AKIRIN2: variants seen among roughly 807,000 people sequenced by gnomAD.
AKIRIN2 encodes the protein akirin 2.
AKIRIN2 carries 6 observed loss-of-function variants against 29.3 expected under a neutral mutation model. That is an observed-to-expected ratio of 0.20 (90% CI 0.11 to 0.40). The LOEUF (loss-of-function observed/expected upper bound fraction) is 0.40, where lower values mean the gene tolerates loss of function less well. Ranked by LOEUF, AKIRIN2 falls within the 10% of genes least tolerant of loss-of-function variation. The probability of loss-of-function intolerance (pLI) is 1.00; values close to 1 mark genes in which losing one functional copy is unlikely to be tolerated. For missense variants in AKIRIN2, 210 were observed against 276.1 expected (o/e 0.76, Z 1.70); for synonymous variants, 128 against 117.5 (o/e 1.09, Z -0.58).
At chr6:87,691,827 T>C (rs775544568) in intron 1 of AKIRIN2, among the ~76,000 whole-genome samples, 5 of 152,238 alleles carry the variant, frequency 3.3e-5, no homozygotes, top group Admixed American at 6.5e-5. Flanking sequence ...GCTTGAGGCA[T>C]GTCAGGAATT....
At chr6:87,677,377 C>T (rs1477390270) in intron 3 of AKIRIN2, among the ~76,000 whole-genome samples, 1 of 152,070 alleles carries the variant, frequency 6.6e-6, no homozygotes, top group Non-Finnish European at 1.5e-5. Flanking sequence ...TGTTACCATA[C>T]ATAATAAATT....
chr6:87,695,504 AG>A (rs1226001166), intron 1 of AKIRIN2, among the ~76,000 whole-genome samples: 1 of 152,240 alleles, frequency 6.6e-6, no homozygotes, highest in Non-Finnish European at 1.5e-5. Context: ...CCTTTTTAAA[AG>A]CAGGCGGTGC....
At chr6:87,695,284 G>T (rs1020655124) in intron 1 of AKIRIN2, among the ~76,000 whole-genome samples, 5 of 151,710 alleles carry the variant, frequency 3.3e-5, no homozygotes, top group African/African-American at 1.2e-4. Context: ...TATTTATTAC[G>T]ACTCGTTGGA....
At position 87,674,971 on chromosome 6, in the gene AKIRIN2, G is replaced by A. The variant is rs1770937487; in HGVS notation, c.*626C>T. 1 of 148,840 alleles carries A rather than the reference G, an allele frequency of 6.7e-6. No individual in the cohort carries two copies. The highest frequency in any genetic ancestry group is 6.8e-5 in the Admixed American group (1 of 14,692). The allele number at this position is 148,840 out of a possible 1,614,324, so 9.2% of individuals were successfully genotyped here. On this transcript the variant is annotated 3_prime_UTR_variant, in exon 5 of 5. Transcript: ENST00000257787. ...TTCCAACTAAATTCCAGTACTACAAGGGCAGTAAAACAATGATACACTGGA... is the reference window on the plus strand; with the variant it reads ...TTCCAACTAAATTCCAGTACTACAAAGGCAGTAAAACAATGATACACTGGA...
rs767108648 is a variant in AKIRIN2 at position 87,681,579 on chromosome 6, T to A, written c.379+41A>T. On this transcript the variant is annotated intron_variant, in intron 2 of 4. Transcript: ENST00000257787. ...ACAACTTGGATTAGACTTTTCCCAC[T>A]CTAAATAATAAACTTTGTAAATGAC... The A allele has an allele frequency of 1.9e-6, 3 of 1,571,916 alleles. No homozygotes were observed. The South Asian group carries it at 3.5e-5, about 19-fold the overall frequency.
chr6:87,690,000 C>T (rs1222678745), intron 1 of AKIRIN2, among the ~76,000 whole-genome samples: 1 of 152,072 alleles, frequency 6.6e-6, no homozygotes, highest in African/African-American at 2.4e-5. Flanking sequence ...CACTTGAGGT[C>T]AGGAGTTGGA....
intron 1 of AKIRIN2, among the ~76,000 whole-genome samples, chr6:87,693,490 C>A (rs1038267944): frequency 1.3e-5 from 2 of 152,002 alleles, no homozygotes; most frequent in Admixed American, 1.3e-4. Context: ...AGCACTGTGG[C>A]AGGCCCAGAC....
chr6:87,691,713 C>T (rs1199724755), intron 1 of AKIRIN2, among the ~76,000 whole-genome samples: 2 of 151,996 alleles, frequency 1.3e-5, no homozygotes, highest in Admixed American at 1.3e-4. Context: ...AAGGCCATTT[C>T]AAAAAGAAAG....
chr6:87,701,670 G>A lies in AKIRIN2; in HGVS notation c.15C>T (p.Ala5=), dbSNP rs1771468921. Residue 5 remains alanine (A), a synonymous_variant, in exon 1 of 5, where the codon GCC becomes GCT. Coordinates refer to ENST00000257787, the MANE Select transcript of AKIRIN2 (RefSeq NM_018064.4). ...CGAAATCCAGAGTCCTTTTCAGAGT[G>A]GCTCCGCACGCCATGGCCGGGGGCA... MACG[A]TLKRTLDFDP... is the part of the protein sequence containing the mutation. The A allele has an allele frequency of 6.9e-7, 1 of 1,457,416 alleles. No homozygotes were observed. Among genetic ancestry groups the A allele is most frequent in the Non-Finnish European group, 9.0e-7 (1 of 1,108,494 alleles). The allele number at this position is 1,457,416 out of a possible 1,614,324, so 90.3% of individuals were successfully genotyped here.
At chr6:87,684,913 A>G (rs191338365) in intron 1 of AKIRIN2, among the ~76,000 whole-genome samples, 5 of 152,300 alleles carry the variant, frequency 3.3e-5, no homozygotes, top group Admixed American at 3.3e-4. Flanking sequence ...TGGCAAATGA[A>G]GGGTTTATTT....
At chr6:87,690,950 G>A (rs1395449416) in intron 1 of AKIRIN2, among the ~76,000 whole-genome samples, 3 of 151,964 alleles carry the variant, frequency 2.0e-5, no homozygotes, top group African/African-American at 7.3e-5. Context: ...TCCAGCCTGG[G>A]CAACAGAGTG....
intron 2 of AKIRIN2, among the ~76,000 whole-genome samples, chr6:87,680,898 C>G (rs1329300080): frequency 3.3e-5 from 5 of 151,130 alleles, no homozygotes; most frequent in African/African-American, 1.2e-4. Context: ...CCCAATAAGA[C>G]AAGTGTGTGA....
intron 2 of AKIRIN2, 28 bp downstream of exon 2, chr6:87,681,592 C>A: frequency 1.3e-6 from 2 of 1,587,926 alleles, no homozygotes; most frequent in East Asian, 4.5e-5. Context: ...AAATAATAAA[C>A]TTTGTAAATG....
chr6:87,683,271 C>G (rs1169148767), intron 1 of AKIRIN2, among the ~76,000 whole-genome samples: 2 of 152,182 alleles, frequency 1.3e-5, no homozygotes. Context: ...TTCATGTGTA[C>G]ATAAACAGGT....
Position 87,701,922 on chromosome 6 carries a change from G to A in AKIRIN2, c.-238C>T, listed in dbSNP as rs940417561. 2 of 413,082 alleles carry A rather than the reference G, an allele frequency of 4.8e-6. No homozygotes were observed. The highest frequency in any genetic ancestry group is 4.1e-5 in the African/African-American group (2 of 48,652). 25.6% of individuals were successfully genotyped at this position (413,082 alleles called of 1,614,324 possible). On this transcript the variant is annotated 5_prime_UTR_variant, in exon 1 of 5. Coordinates refer to ENST00000257787, the MANE Select transcript of AKIRIN2 (RefSeq NM_018064.4). ...AGAGCGGGAGGGGCGGTGGCGGGCA[G>A]AAGCACACGCCAGTCGCGTCAGGGG...
intron 3 of AKIRIN2, among the ~76,000 whole-genome samples, chr6:87,676,887 T>C (rs562148575): frequency 6.6e-6 from 1 of 150,942 alleles, no homozygotes; most frequent in Non-Finnish European, 1.5e-5. Context: ...CCATCCTGGC[T>C]AACACGGTGA....
chr6:87,685,832 T>C (rs1771177375), intron 1 of AKIRIN2, among the ~76,000 whole-genome samples: 1 of 152,236 alleles, frequency 6.6e-6, no homozygotes, highest in East Asian at 1.9e-4. Context: ...TCAAACCTAG[T>C]ACATGACACT....
intron 1 of AKIRIN2, among the ~76,000 whole-genome samples, chr6:87,683,374 C>A (rs1450209705): frequency 6.6e-6 from 1 of 152,118 alleles, no homozygotes; most frequent in Non-Finnish European, 1.5e-5. Context: ...ACGGGTTATG[C>A]TCATTTTCAG....
At chr6:87,700,608 A>G (rs1019520289) in intron 1 of AKIRIN2, 1 of 152,268 alleles carries the variant, frequency 6.6e-6, no homozygotes, top group African/African-American at 2.4e-5. Flanking sequence ...GATGAAAAGC[A>G]AAAGTCTGAA....
Sources: allele counts gnomAD v4.1 joint callset (sites outside exome capture counted in the v4.1 genomes callset), GRCh38; gene constraint gnomAD v4.1.1; transcripts MANE v1.5; gene names NCBI Gene and HGNC (gene_info 2026-07-23, HGNC 2026-07-21).